Variants in PTPRT observed in about 807,000 individuals in gnomAD.
The protein encoded by PTPRT is protein tyrosine phosphatase receptor type T.
In PTPRT, 56 loss-of-function variants were observed where a neutral mutation model predicts 176.8. The observed-to-expected ratio is 0.32, with a 90% confidence interval of 0.26 to 0.40. PTPRT has a LOEUF of 0.40. Ranked by LOEUF, PTPRT falls within the 10% of genes least tolerant of loss-of-function variation. PTPRT has a pLI of 1.00. For missense variants in PTPRT, 1,540 were observed against 1,908.2 expected (o/e 0.81, Z 3.60); for synonymous variants, 783 against 739.0 (o/e 1.06, Z -0.96).
intron 2 of PTPRT, among the ~76,000 whole-genome samples, chr20:42,861,525 G>A (rs2078660538): frequency 6.6e-6 from 1 of 151,726 alleles, no homozygotes; most frequent in Non-Finnish European, 1.5e-5. Flanking sequence ...GTTGCTTGTT[G>A]TGCTAGACAC....
intron 13 of PTPRT, among the ~76,000 whole-genome samples, chr20:42,255,015 C>A (rs1052939024): frequency 6.6e-6 from 1 of 152,138 alleles, no homozygotes; most frequent in Middle Eastern, 3.2e-3. Flanking sequence ...TCACCCTGAC[C>A]CTCCCCATGT....
intron 2 of PTPRT, among the ~76,000 whole-genome samples, chr20:42,882,399 G>C (rs558359912): frequency 6.6e-6 from 1 of 152,266 alleles, no homozygotes; most frequent in Admixed American, 6.5e-5. Flanking sequence ...GCCATAATGA[G>C]GGGCTGAGAA....
chr20:42,600,764 C>G (rs1239626842), intron 7 of PTPRT, among the ~76,000 whole-genome samples: 1 of 152,110 alleles, frequency 6.6e-6, no homozygotes, highest in Admixed American at 6.6e-5. Flanking sequence ...CAGTTCCAAC[C>G]ATGTTGTTGC....
chr20:42,591,154 T>C (rs1192513915), intron 7 of PTPRT, among the ~76,000 whole-genome samples: 3 of 152,084 alleles, frequency 2.0e-5, no homozygotes, highest in African/African-American at 4.8e-5. Flanking sequence ...TTGTATAACT[T>C]TGGAAGTATC....
At chr20:42,594,507 C>T (rs1490337121) in intron 7 of PTPRT, among the ~76,000 whole-genome samples, 1 of 152,072 alleles carries the variant, frequency 6.6e-6, no homozygotes, top group Non-Finnish European at 1.5e-5. Flanking sequence ...AATCTTGTTC[C>T]ATCTGGAATC....
intron 9 of PTPRT, among the ~76,000 whole-genome samples, chr20:42,445,100 T>A (rs2145843362): frequency 6.6e-6 from 1 of 152,280 alleles, no homozygotes; most frequent in East Asian, 1.9e-4. Flanking sequence ...AGCTCCCAGG[T>A]CATGCTAATG....
chr20:43,188,869 A>AC (rs1183498890), intron 1 of PTPRT, among the ~76,000 whole-genome samples: 12 of 120,100 alleles, frequency 1.0e-4, no homozygotes, highest in African/African-American at 2.5e-4. Flanking sequence ...GGCAGGCACC[A>AC]CCCCCCCGCC....
intron 7 of PTPRT, among the ~76,000 whole-genome samples, chr20:42,476,902 C>T (rs2145312393): frequency 6.6e-6 from 1 of 152,326 alleles, no homozygotes; most frequent in African/African-American, 2.4e-5. Context: ...GTCAGTTACA[C>T]ATGTATGCAC....
chr20:42,760,311 T>C (rs538350308), intron 5 of PTPRT, among the ~76,000 whole-genome samples: 11 of 151,882 alleles, frequency 7.2e-5, no homozygotes, highest in Non-Finnish European at 1.3e-4. Flanking sequence ...CAGTAAATTA[T>C]ACGTTGGGTT....
At chr20:43,074,197 A>T (rs1435022661) in intron 1 of PTPRT, among the ~76,000 whole-genome samples, 1 of 152,226 alleles carries the variant, frequency 6.6e-6, no homozygotes, top group African/African-American at 2.4e-5. Flanking sequence ...TGTGCAGTAG[A>T]TGACTATAAT....
intron 2 of PTPRT, among the ~76,000 whole-genome samples, chr20:42,876,357 G>A (rs1278799247): frequency 6.6e-6 from 1 of 151,952 alleles, no homozygotes; most frequent in Admixed American, 6.6e-5. Context: ...ATTAAAGGAA[G>A]AGTAGGTCAA....
chr20:42,927,105 G>C (rs1219856012), intron 1 of PTPRT, among the ~76,000 whole-genome samples: 1 of 152,192 alleles, frequency 6.6e-6, no homozygotes, highest in African/African-American at 2.4e-5. Flanking sequence ...GAAAACCTGA[G>C]GGTGCAGGAA....
At position 42,779,668 on chromosome 20, in the gene PTPRT, T is replaced by G. The variant is rs115787513; in HGVS notation, c.568+550A>C. Among the ~76,000 whole-genome samples the G allele has an allele frequency of 1.8e-3, 281 of 152,146 alleles. 1 individual carries two copies. Among genetic ancestry groups the G allele is most frequent in the African/African-American group, 6.6e-3 (272 of 41,508 alleles). Reference sequence around the variant, plus strand: ...AAAGAAGTAGATGGGTATGGAGGAGTGCCACGCCTTTGAGGACTCTTGACG... The same window carrying G: ...AAAGAAGTAGATGGGTATGGAGGAGGGCCACGCCTTTGAGGACTCTTGACG... On this transcript the variant is annotated intron_variant, in intron 4 of 30. Coordinates refer to ENST00000373187, the MANE Select transcript of PTPRT (RefSeq NM_007050.6).
intron 7 of PTPRT, chr20:42,607,495 T>C (rs1465990354): frequency 6.6e-6 from 1 of 152,176 alleles, no homozygotes. Context: ...CACAGAAATA[T>C]ATTAATATGT....
intron 7 of PTPRT, among the ~76,000 whole-genome samples, chr20:42,522,365 C>A (rs1012127627): frequency 1.3e-5 from 2 of 151,756 alleles, no homozygotes; most frequent in African/African-American, 4.8e-5. Flanking sequence ...TGTCTCATAT[C>A]ATTTTCTTAA....
intron 9 of PTPRT, among the ~76,000 whole-genome samples, chr20:42,384,607 C>T (rs6065471): frequency 0.31 from 47,583 of 152,020 alleles, 7,942 homozygotes; most frequent in Admixed American, 0.39. Flanking sequence ...AACTTCAATT[C>T]TTTTGGGTAT....
intron 9 of PTPRT, among the ~76,000 whole-genome samples, chr20:42,379,887 C>A (rs1345099432): frequency 6.6e-6 from 1 of 152,170 alleles, no homozygotes; most frequent in African/African-American, 2.4e-5. Context: ...AAAGTGATTA[C>A]AAAGGCAGTC....
intron 13 of PTPRT, among the ~76,000 whole-genome samples, chr20:42,265,533 G>T (rs532218300): frequency 6.6e-6 from 1 of 151,958 alleles, no homozygotes; most frequent in African/African-American, 2.4e-5. Context: ...CCAATGCTTT[G>T]TCCCCCAGAG....
intron 1 of PTPRT, among the ~76,000 whole-genome samples, chr20:43,151,457 T>C (rs1345840494): frequency 6.6e-6 from 1 of 152,168 alleles, no homozygotes; most frequent in African/African-American, 2.4e-5. Context: ...TTTTAGTAAT[T>C]CATCTGAGAA....
Sources: allele counts gnomAD v4.1 joint callset (sites outside exome capture counted in the v4.1 genomes callset), GRCh38; gene constraint gnomAD v4.1.1; transcripts MANE v1.5; gene names NCBI Gene and HGNC (gene_info 2026-07-23, HGNC 2026-07-21).